The following SLC22A4 variants were observed in gnomAD, a reference collection of about 807,000 sequenced individuals.
SLC22A4 encodes ET transporter.
In SLC22A4, 39 loss-of-function variants were observed where a neutral mutation model predicts 56.6. The ratio of observed to expected loss-of-function variants is 0.69; its 90% CI spans 0.53 to 0.90. The LOEUF is 0.90. Ranked by LOEUF, SLC22A4 falls within the 40% of genes least tolerant of loss-of-function variation. The pLI is 0.00. For missense variants in SLC22A4, 594 were observed against 696.5 expected, an observed-to-expected ratio of 0.85 and a Z score of 1.66; for synonymous variants, 241 against 281.4, an observed-to-expected ratio of 0.86 and a Z score of 1.44.
chr5:132,314,724 G>A (rs461432), intron 3 of SLC22A4, among the ~76,000 whole-genome samples: 22 of 152,336 alleles, frequency 1.4e-4, no homozygotes, highest in Non-Finnish European at 2.4e-4. Context: ...TGAAGGACTC[G>A]TTGGCTTTGG....
intron 8 of SLC22A4, among the ~76,000 whole-genome samples, chr5:132,337,664 G>A (rs539220486): frequency 6.6e-6 from 1 of 151,848 alleles, no homozygotes; most frequent in African/African-American, 2.4e-5. Context: ...TATGAATGAG[G>A]TTGAGCATGT....
At chr5:132,302,292 G>A (rs1437664053) in intron 1 of SLC22A4, among the ~76,000 whole-genome samples, 1 of 152,084 alleles carries the variant, frequency 6.6e-6, no homozygotes, top group Admixed American at 6.6e-5. Context: ...GTCCAAGGTG[G>A]CATTTTGACA....
In SLC22A4 at chr5:132,322,290, CAG is replaced by C; in HGVS notation, c.763_764del (p.Asp255LeufsTer24). 6.2e-7 allele frequency: 1 copy of C among 1,614,080 alleles called. No individual in the cohort carries two copies. The highest frequency in any genetic ancestry group is 1.1e-5 in the South Asian group (1 of 91,080). ...TGCTGCCACTGTTTGCTTACTTCAT[CAG>C]AGACTGGCGGATGCTGCTGCTGGCG... is the stretch of plus-strand genomic sequence containing the variant. ...MLLPLFAYFI[R>X]DWRMLLLALT... On this transcript the variant is annotated frameshift_variant, in exon 4 of 10. Coordinates refer to ENST00000200652, the MANE Select transcript of SLC22A4 (RefSeq NM_003059.3). LOFTEE classifies it high-confidence loss of function.
intron 3 of SLC22A4, among the ~76,000 whole-genome samples, chr5:132,318,900 A>C (rs532286612): frequency 3.3e-5 from 5 of 152,256 alleles, no homozygotes; most frequent in Admixed American, 6.5e-5. Flanking sequence ...AGCAGGAGTC[A>C]CTGCTGTGTC....
At chr5:132,330,767 A>C (rs1750834631) in intron 5 of SLC22A4, among the ~76,000 whole-genome samples, 1 of 152,110 alleles carries the variant, frequency 6.6e-6, no homozygotes, top group Non-Finnish European at 1.5e-5. Flanking sequence ...AAAGTAAAAG[A>C]GTATAAACCC....
chr5:132,318,439 G>C (rs1316775089), intron 3 of SLC22A4, among the ~76,000 whole-genome samples: 2 of 152,140 alleles, frequency 1.3e-5, no homozygotes, highest in Admixed American at 1.3e-4. Flanking sequence ...GTGCCAGATG[G>C]AGGACACTCC....
At chr5:132,328,838 T>TATACAC (rs1468955905) in intron 5 of SLC22A4, among the ~76,000 whole-genome samples, 1 of 138,674 alleles carries the variant, frequency 7.2e-6, no homozygotes, top group Admixed American at 7.1e-5. Context: ...TATATATATA[T>TATACAC]ACACACACAC....
chr5:132,307,301 G>T (rs1258911270), intron 1 of SLC22A4, among the ~76,000 whole-genome samples: 1 of 152,086 alleles, frequency 6.6e-6, no homozygotes, highest in Non-Finnish European at 1.5e-5. Flanking sequence ...TAGAATAAAG[G>T]ATAACTATGA....
At chr5:132,331,533 T>A (rs1750859626) in intron 5 of SLC22A4, among the ~76,000 whole-genome samples, 1 of 152,156 alleles carries the variant, frequency 6.6e-6, no homozygotes, top group Non-Finnish European at 1.5e-5. Context: ...AAGGGGGTGT[T>A]ATATATTTAA....
chr5:132,320,002 A>G (rs1227058455), intron 3 of SLC22A4, among the ~76,000 whole-genome samples: 1 of 152,250 alleles, frequency 6.6e-6, no homozygotes. Flanking sequence ...CTAGCTGTGA[A>G]GATGGTGATC....
chr5:132,305,434 C>G (rs779930284), intron 1 of SLC22A4, among the ~76,000 whole-genome samples: 8 of 152,066 alleles, frequency 5.3e-5, no homozygotes, highest in Admixed American at 3.3e-4. Context: ...CTTTCAGAAG[C>G]TCAACAAACT....
At position 132,294,761 on chromosome 5, in the gene SLC22A4, C is replaced by T. The variant is rs1342739727; in HGVS notation, c.145C>T (p.Arg49Cys). 2 of 1,613,726 alleles carry T rather than the reference C, an allele frequency of 1.2e-6. No homozygotes were observed. The highest frequency in any genetic ancestry group is 8.5e-7 in the Non-Finnish European group (1 of 1,180,018). ...GTTCCTGGCGGGGACCCCGGAGCACCGCTGTCGAGTGCCGGACGCCGCGAA... is the reference window on the plus strand; with the variant it reads ...GTTCCTGGCGGGGACCCCGGAGCACTGCTGTCGAGTGCCGGACGCCGCGAA... ...VVFLAGTPEH[R>C]CRVPDAANLS... Residue 49 changes from arginine to cysteine, a missense_variant, in exon 1 of 10, where the codon CGC (arginine) becomes TGC (cysteine). Arg to Cys is a radical substitution (Grantham distance 180). Transcript: ENST00000200652. The surrounding 1 kb of genome is among the most constrained non-coding windows in gnomAD (Gnocchi z 5.6).
intron 4 of SLC22A4, among the ~76,000 whole-genome samples, chr5:132,324,241 A>AAG (rs61709003): frequency 4.8e-4 from 73 of 150,814 alleles, no homozygotes; most frequent in Admixed American, 1.3e-3. Flanking sequence ...ATCAGAGAGA[A>AAG]AGAGAGAGAG....
At chr5:132,339,918 A>C (rs904067880) in intron 8 of SLC22A4, among the ~76,000 whole-genome samples, 1 of 152,244 alleles carries the variant, frequency 6.6e-6, no homozygotes, top group African/African-American at 2.4e-5. Flanking sequence ...CTGTGTGAGT[A>C]AAGCTTCACA....
Position 132,312,204 on chromosome 5 carries a change from C to T in SLC22A4, c.437C>T (p.Thr146Ile), listed in dbSNP as rs760911652. 1.9e-6 allele frequency: 3 copies of T among 1,613,876 alleles called. No homozygotes were observed. The highest frequency in any genetic ancestry group is 2.5e-6 in the Non-Finnish European group (3 of 1,179,728). ...CEDNWKVPLT[T>I]SLFFVGVLLG... ...GACAACTGGAAGGTGCCCCTCACCACCTCCCTGTTCTTCGTAGGCGTGCTC... is the reference window on the plus strand; with the variant it reads ...GACAACTGGAAGGTGCCCCTCACCATCTCCCTGTTCTTCGTAGGCGTGCTC... The change falls in exon 2 of 10, where the codon ACC (threonine) becomes ATC (isoleucine). Residue 146 changes from threonine (T) to isoleucine (I), a missense_variant. Physicochemically the swap from Thr to Ile is moderately conservative, Grantham distance 89. Transcript: ENST00000200652.
chr5:132,339,876 G>C (rs1056486931), intron 8 of SLC22A4, among the ~76,000 whole-genome samples: 4 of 152,132 alleles, frequency 2.6e-5, no homozygotes, highest in African/African-American at 9.7e-5. Context: ...TATGTATACA[G>C]GGGCAAAGCA....
chr5:132,332,566 C>A (rs1257152059), intron 6 of SLC22A4, among the ~76,000 whole-genome samples: 6 of 152,140 alleles, frequency 3.9e-5, no homozygotes, highest in African/African-American at 1.4e-4. Flanking sequence ...AACCTAGATC[C>A]CCATTGCCTG....
intron 2 of SLC22A4, 34 bp from the exon 3 acceptor site, chr5:132,313,580 C>A (rs962362264): frequency 6.2e-7 from 1 of 1,609,968 alleles, no homozygotes; most frequent in Non-Finnish European, 8.5e-7. Flanking sequence ...GCAACCTACA[C>A]ATCTCATGTT....
In SLC22A4 at chr5:132,340,625, T is replaced by C. The variant is rs764214038; in HGVS notation, c.1505T>C (p.Ile502Thr). The part of the protein sequence containing the change: ...VMGSLTVLIG[I>T]LTLFFPESLG... ...GGTAGTCTGACTGTCCTGATTGGAA[T>C]CCTCACCCTTTTTTTCCCTGAAAGT... The change falls in exon 9 of 10, where the codon ATC becomes ACC. Residue 502 changes from isoleucine to threonine, a missense_variant. Physicochemically the swap from Ile to Thr is moderately conservative, Grantham distance 89. Transcript: ENST00000200652. 40 of 1,613,864 alleles carry C rather than the reference T, an allele frequency of 2.5e-5. No homozygotes were observed. The highest frequency in any genetic ancestry group is 3.3e-5 in the Non-Finnish European group (39 of 1,179,882).
Sources: gnomAD v4.1 joint callset for allele counts (sites outside exome capture counted in the v4.1 genomes callset) on GRCh38, gnomAD v4.1.1 for gene constraint, Gnocchi (gnomAD v3.1) non-coding constraint, MANE v1.5 for transcripts, NCBI Gene and HGNC (gene_info 2026-07-23, HGNC 2026-07-21) for gene names.